Variants in DCDC1 observed in about 807,000 individuals in gnomAD.
DCDC1 encodes doublecortin domain containing 1.
In DCDC1, 200 loss-of-function variants were observed where a neutral mutation model predicts 178.3. The ratio of observed to expected loss-of-function variants is 1.12; its 90% CI spans 1.00 to 1.26. DCDC1 has a LOEUF of 1.26. Among genes scored for constraint, DCDC1 ranks in the 50% most tolerant of loss-of-function variants. The probability of loss-of-function intolerance (pLI) is 0.00; values close to 1 mark genes in which losing one functional copy is unlikely to be tolerated. For missense variants in DCDC1, 1,983 were observed against 1,749.2 expected, an observed-to-expected ratio of 1.13 and a Z score of -2.38; for synonymous variants, 690 against 604.8, an observed-to-expected ratio of 1.14 and a Z score of -2.07.
chr11:31,268,908 A>G (rs180766351), intron 7 of DCDC1, among the ~76,000 whole-genome samples: 2 of 152,214 alleles, frequency 1.3e-5, no homozygotes, highest in Non-Finnish European at 2.9e-5. Context: ...CATAATAGAC[A>G]TTCTGACTGG....
chr11:31,346,586 A>G (rs1950829762), intron 1 of DCDC1, among the ~76,000 whole-genome samples: 1 of 152,178 alleles, frequency 6.6e-6, no homozygotes. Flanking sequence ...TTGGTGACAC[A>G]TGAATATATA....
intron 9 of DCDC1, among the ~76,000 whole-genome samples, chr11:31,157,386 T>TATATATATATAC (rs753985064): frequency 2.8e-5 from 4 of 142,722 alleles, no homozygotes; most frequent in Admixed American, 7.1e-5. Flanking sequence ...TATATATATA[T>TATATATATATAC]ACATATATAT....
chr11:31,218,089 T>C (rs554383709), intron 9 of DCDC1, among the ~76,000 whole-genome samples: 2 of 152,088 alleles, frequency 1.3e-5, no homozygotes, highest in Admixed American at 1.3e-4. Flanking sequence ...TATCTTTTAC[T>C]TTTTATCTTT....
At chr11:30,906,420 A>G (rs1233494006) in intron 30 of DCDC1, 120 bp downstream of exon 30, 2 of 999,278 alleles carry the variant, frequency 2.0e-6, no homozygotes, top group East Asian at 5.3e-5. Flanking sequence ...GTAAAGGTGC[A>G]TCTGAGGAAG....
intron 20 of DCDC1, among the ~76,000 whole-genome samples, chr11:30,997,560 T>G (rs1951338993): frequency 6.6e-6 from 1 of 152,214 alleles, no homozygotes; most frequent in South Asian, 2.1e-4. Context: ...AAGTATTGTA[T>G]GCCAGCTGTT....
chr11:30,925,547 G>A, intron 22 of DCDC1, 139 bp from the exon 23 acceptor site: 1 of 722,980 alleles, frequency 1.4e-6, no homozygotes, highest in Non-Finnish European at 2.3e-6. Context: ...TGGACTCTGG[G>A]GCCCATCAGA....
At chr11:31,077,662 G>T (rs1224048295) in intron 18 of DCDC1, among the ~76,000 whole-genome samples, 1 of 151,768 alleles carries the variant, frequency 6.6e-6, no homozygotes, top group African/African-American at 2.4e-5. Context: ...AATTATTTTT[G>T]ACTTTAGAAA....
At chr11:31,050,094 G>T (rs1955140438) in intron 20 of DCDC1, among the ~76,000 whole-genome samples, 1 of 152,194 alleles carries the variant, frequency 6.6e-6, no homozygotes, top group East Asian at 1.9e-4. Flanking sequence ...CTGGGAGGCA[G>T]ATAGCCTCAG....
At chr11:30,873,711 G>A (rs901164307) in intron 38 of DCDC1, among the ~76,000 whole-genome samples, 1 of 152,090 alleles carries the variant, frequency 6.6e-6, no homozygotes, top group Non-Finnish European at 1.5e-5. Context: ...GAGCAATGAT[G>A]GAAAATAGAA....
intron 38 of DCDC1, among the ~76,000 whole-genome samples, chr11:30,876,780 C>A (rs546225099): frequency 6.6e-6 from 1 of 152,176 alleles, no homozygotes; most frequent in Non-Finnish European, 1.5e-5. Context: ...AGAGAGATGT[C>A]TTTGTTTTCA....
At chr11:30,944,170 A>C (rs1219694212) in intron 21 of DCDC1, 3 of 361,738 alleles carry the variant, frequency 8.3e-6, no homozygotes, top group South Asian at 4.6e-5. Flanking sequence ...TGGAACACCA[A>C]ACTTTTTCTG....
chr11:30,952,444 C>G lies in DCDC1; in HGVS notation c.2715+1G>C. ...CCATCTCTTAAGCTAAGCAACACAA[C>G]CTCATTAAGTTGGCCACTGGGAAGG... On this transcript the variant is annotated splice_donor_variant, in intron 21 of 38. Coordinates refer to ENST00000684477, the MANE Select transcript of DCDC1 (RefSeq NM_001387274.1). LOFTEE classifies it high-confidence loss of function. 1 of 1,561,458 alleles carries G rather than the reference C, an allele frequency of 6.4e-7. No individual in the cohort carries two copies. Among genetic ancestry groups the G allele is most frequent in the South Asian group, 1.2e-5 (1 of 85,284 alleles).
chr11:31,223,039 A>G (rs1170623293), intron 9 of DCDC1, among the ~76,000 whole-genome samples: 2 of 152,210 alleles, frequency 1.3e-5, no homozygotes, highest in African/African-American at 4.8e-5. Context: ...AAACATTAAA[A>G]TATTATACAT....
chr11:31,149,469 AAG>A (rs1308895080), intron 9 of DCDC1, among the ~76,000 whole-genome samples: 10 of 152,062 alleles, frequency 6.6e-5, no homozygotes, highest in East Asian at 1.9e-4. Context: ...GGGGCCAAAT[AAG>A]AGAATAAAAG....
At chr11:31,020,481 C>G (rs574032244) in intron 20 of DCDC1, among the ~76,000 whole-genome samples, 40 of 152,274 alleles carry the variant, frequency 2.6e-4, no homozygotes, top group African/African-American at 9.6e-4. Flanking sequence ...CAACTCTCCC[C>G]CATCTCTTAA....
intron 36 of DCDC1, among the ~76,000 whole-genome samples, chr11:30,884,890 T>C (rs540237574): frequency 2.7e-4 from 41 of 152,180 alleles, no homozygotes; most frequent in African/African-American, 8.9e-4. Flanking sequence ...AATAGTCTAA[T>C]ACAACTTCAG....
chr11:30,955,015 G>A (rs1050042780), intron 20 of DCDC1, among the ~76,000 whole-genome samples: 16 of 152,154 alleles, frequency 1.1e-4, no homozygotes, highest in Non-Finnish European at 1.6e-4. Flanking sequence ...GAATATTAGC[G>A]AACAACTTCA....
intron 9 of DCDC1, among the ~76,000 whole-genome samples, chr11:31,161,595 C>T (rs1297233668): frequency 6.6e-6 from 1 of 152,108 alleles, no homozygotes; most frequent in African/African-American, 2.4e-5. Context: ...CCCCAGCAAT[C>T]GAAAAGTAAT....
At chr11:31,111,037 C>A (rs922573193) in intron 11 of DCDC1, among the ~76,000 whole-genome samples, 1 of 152,066 alleles carries the variant, frequency 6.6e-6, no homozygotes, top group Non-Finnish European at 1.5e-5. Context: ...CCAGTCCCGA[C>A]AGGATGGCTT....
Sources: gnomAD v4.1 joint callset for allele counts (sites outside exome capture counted in the v4.1 genomes callset) on GRCh38, gnomAD v4.1.1 for gene constraint, MANE v1.5 for transcripts, NCBI Gene and HGNC (gene_info 2026-07-23, HGNC 2026-07-21) for gene names.